CDKL5: variants seen among roughly 807,000 people sequenced by gnomAD.
The protein encoded by CDKL5 is cyclin dependent kinase like 5.
In CDKL5, 8 loss-of-function variants were observed where a neutral mutation model predicts 61.7. That is an observed-to-expected ratio of 0.13 (90% CI 0.08 to 0.23). CDKL5 has a LOEUF of 0.23. CDKL5 is among the 10% of genes least tolerant of loss of function. CDKL5 has a pLI of 1.00. For synonymous variants in CDKL5, 275 were observed against 272.3 expected (o/e 1.01, Z -0.10); for missense variants, 440 against 734.5 (o/e 0.60, Z 4.63).
At chrX:18,642,294 A>G (rs1927614074), downstream of CDKL5, 2 of 610,297 alleles carry the variant, frequency 3.3e-6, no homozygotes, top group African/African-American at 4.4e-5. Flanking sequence ...GTGCCCCCCA[A>G]AATCTGACCT....
At chrX:18,488,603 A>G (rs1279206754) in intron 1 of CDKL5, among the ~76,000 whole-genome samples, 1 of 111,808 alleles carries the variant, frequency 8.9e-6, no homozygotes, top group Non-Finnish European at 1.9e-5. Flanking sequence ...AATGAGCTCA[A>G]TCACCAATGG....
Position 18,613,255 on chromosome X carries a change from A to G in CDKL5, c.2256A>G (p.Arg752=), listed in dbSNP as rs770193102. The change falls in exon 15 of 18, where the codon AGA becomes AGG. Residue 752 remains arginine (R), a synonymous_variant. Coordinates refer to ENST00000623535, the MANE Select transcript of CDKL5 (RefSeq NM_001323289.2). The part of the protein sequence containing the change: ...ESSSGTNHSK[R]QPAFDPWKSP... Reference sequence around the variant, plus strand: ...GTTCTGGAACCAACCACTCAAAAAGACAACCAGCATTCGATCCATGGTGAG... The same window carrying G: ...GTTCTGGAACCAACCACTCAAAAAGGCAACCAGCATTCGATCCATGGTGAG... 52 of 1,201,821 alleles carry G rather than the reference A, an allele frequency of 4.3e-5. No individual in the cohort carries two copies. The South Asian group carries it at 8.5e-4, about 20-fold the overall frequency.
chrX:18,508,180 C>T (rs189976529), intron 2 of CDKL5, among the ~76,000 whole-genome samples: 6 of 112,391 alleles, frequency 5.3e-5, no homozygotes, highest in Non-Finnish European at 1.1e-4. Context: ...GCATATGTTA[C>T]AAAAATTTCA....
intron 1 of CDKL5, among the ~76,000 whole-genome samples, chrX:18,473,717 T>C (rs1485640382): frequency 9.2e-6 from 1 of 108,355 alleles, no homozygotes; most frequent in Non-Finnish European, 1.9e-5. Context: ...TCTCTCTTTT[T>C]TTTTTTTTTT....
chrX:18,520,706 T>G (rs1320596427), intron 3 of CDKL5, among the ~76,000 whole-genome samples: 1 of 111,209 alleles, frequency 9.0e-6, no homozygotes, highest in East Asian at 2.8e-4. Flanking sequence ...TGTATGAGAG[T>G]TCCAATTTCT....
intron 4 of CDKL5, among the ~76,000 whole-genome samples, chrX:18,567,753 T>G (rs1157690596): frequency 3.6e-5 from 4 of 111,335 alleles, no homozygotes; most frequent in Non-Finnish European, 5.7e-5. Flanking sequence ...GGCATGGTGG[T>G]GTGTGCCTGT....
chrX:18,504,530 A>G (rs979954596), intron 1 of CDKL5, among the ~76,000 whole-genome samples: 2 of 112,073 alleles, frequency 1.8e-5, no homozygotes, highest in Non-Finnish European at 3.8e-5. Context: ...AATTATGTAT[A>G]TATTGCTTTT....
rs770217782 is a variant in CDKL5 at position 18,628,919 on chromosome X, C to T, written c.*162C>T. On this transcript the variant is annotated 3_prime_UTR_variant, in exon 18 of 18. Coordinates refer to ENST00000623535, the MANE Select transcript of CDKL5 (RefSeq NM_001323289.2). ...CATGTGTTGGGGCCGTTGAGCTCCT[C>T]GCGGCCACAAATGCTAGTCAGGGAT... The T allele has an allele frequency of 1.4e-4, 144 of 1,052,802 alleles. No individual in the cohort carries two copies. The highest frequency in any genetic ancestry group is 8.6e-4 in the African/African-American group (45 of 52,532). The allele number at this position is 1,052,802 out of a possible 1,213,427, so 86.8% of individuals were successfully genotyped here. A position where few individuals can be genotyped will look rare whatever the true frequency, so the allele number is the denominator to read the frequency against.
downstream of CDKL5, chrX:18,642,231 G>A: frequency 9.3e-7 from 1 of 1,077,132 alleles, no homozygotes; most frequent in Non-Finnish European, 1.3e-6. Flanking sequence ...TCTGGAGCTA[G>A]CCCCAACTTT....
At chrX:18,623,230 A>G (rs950717048) in intron 16 of CDKL5, among the ~76,000 whole-genome samples, 2 of 111,911 alleles carry the variant, frequency 1.8e-5, no homozygotes, top group African/African-American at 6.5e-5. Flanking sequence ...TTCCATTTAA[A>G]TATTGAAATT....
rs987547059 is a variant in CDKL5, at chrX:18,638,364, G to A, written c.*9607G>A. ...TTTTAAACAAACTCCAGTGTAGACCGTGCTCTAGCATTTCTAAAAATAAAA... is the reference window on the plus strand; with the variant it reads ...TTTTAAACAAACTCCAGTGTAGACCATGCTCTAGCATTTCTAAAAATAAAA... On this transcript the variant is annotated 3_prime_UTR_variant, in exon 18 of 18. Coordinates refer to ENST00000623535, the MANE Select transcript of CDKL5 (RefSeq NM_001323289.2). 3 of 111,207 alleles carry A rather than the reference G, an allele frequency of 2.7e-5. No homozygotes were observed. Among genetic ancestry groups the A allele is most frequent in the South Asian group, 7.6e-4 (2 of 2,636 alleles). The allele number at this position is 111,207 out of a possible 1,213,427, so 9.2% of individuals were successfully genotyped here. A position where few individuals can be genotyped will look rare whatever the true frequency, so the allele number is the denominator to read the frequency against.
At chrX:18,466,955 G>A (rs1387355017) in intron 1 of CDKL5, among the ~76,000 whole-genome samples, 2 of 111,759 alleles carry the variant, frequency 1.8e-5, no homozygotes, top group African/African-American at 3.2e-5. Flanking sequence ...TGGAAACTTC[G>A]TTGGGAGAGA....
chrX:18,548,270 A>G (rs1924270342), intron 3 of CDKL5, among the ~76,000 whole-genome samples: 1 of 111,120 alleles, frequency 9.0e-6, no homozygotes, highest in African/African-American at 3.3e-5. Flanking sequence ...TTAAAGAATA[A>G]AAGATTGACC....
intron 8 of CDKL5, 183 bp from the exon 9 acceptor site, chrX:18,587,771 A>G: frequency 2.2e-6 from 1 of 454,980 alleles, no homozygotes; most frequent in South Asian, 3.3e-5. Context: ...TGATGGCTTT[A>G]TTAGCATAGG....
At chrX:18,544,164 C>T (rs977804249) in intron 3 of CDKL5, among the ~76,000 whole-genome samples, 1 of 112,011 alleles carries the variant, frequency 8.9e-6, no homozygotes, top group African/African-American at 3.2e-5. Flanking sequence ...CCTCCCACTC[C>T]TGGAGGAACC....
intron 1 of CDKL5, among the ~76,000 whole-genome samples, chrX:18,489,408 G>T (rs957180231): frequency 1.8e-5 from 2 of 110,235 alleles, no homozygotes; most frequent in Non-Finnish European, 3.8e-5. Context: ...TGATCCTCCC[G>T]CCTCAGCCTC....
At chrX:18,513,613 A>C (rs1225631990) in intron 3 of CDKL5, among the ~76,000 whole-genome samples, 2 of 111,877 alleles carry the variant, frequency 1.8e-5, no homozygotes, top group Non-Finnish European at 3.8e-5. Flanking sequence ...TTCTCCTTGC[A>C]TGTGTCTAAA....
At chrX:18,481,358 TTCTTTCTTTCTTTTGA>T (rs1412773104) in intron 1 of CDKL5, among the ~76,000 whole-genome samples, 1 of 101,041 alleles carries the variant, frequency 9.9e-6, no homozygotes, top group African/African-American at 3.8e-5. Context: ...CTTTCTTTCT[TTCTTTCTTTCTTTTGA>T]GGCAGGGCGT....
At chrX:18,526,333 TTTTTC>T (rs1217945104) in intron 3 of CDKL5, among the ~76,000 whole-genome samples, 1 of 112,445 alleles carries the variant, frequency 8.9e-6, no homozygotes, top group Non-Finnish European at 1.9e-5. Context: ...CAGGTTTTTC[TTTTTC>T]TTTTTTTTGT....
Sources: gnomAD v4.1 joint callset for allele counts (sites outside exome capture counted in the v4.1 genomes callset) on GRCh38, gnomAD v4.1.1 for gene constraint, MANE v1.5 for transcripts, NCBI Gene and HGNC (gene_info 2026-07-23, HGNC 2026-07-21) for gene names.